KAZN: variants seen among roughly 807,000 people sequenced by gnomAD.
KAZN encodes kazrin.
KAZN carries 40 observed loss-of-function variants against 87.4 expected under a neutral mutation model. The ratio of observed to expected loss-of-function variants is 0.46; its 90% CI spans 0.36 to 0.60. KAZN has a LOEUF of 0.60. KAZN is among the 20% of genes least tolerant of loss of function. KAZN has a pLI of 0.00. For missense variants in KAZN, 898 were observed against 1,073.9 expected (o/e 0.84, Z 2.29); for synonymous variants, 466 against 458.3 (o/e 1.02, Z -0.22).
chr1:14,133,246 A>G (rs60872125), intron 1 of KAZN, among the ~76,000 whole-genome samples: 3,254 of 152,016 alleles, frequency 0.021, 134 homozygotes, highest in African/African-American at 0.075. Flanking sequence ...GAGCACCTGT[A>G]ATCCCAGCTA....
At chr1:14,759,784 T>C (rs537678501) in intron 1 of KAZN, among the ~76,000 whole-genome samples, 30 of 152,282 alleles carry the variant, frequency 2.0e-4, no homozygotes, top group Non-Finnish European at 4.0e-4. Flanking sequence ...AGTTTCCTTA[T>C]CTGAACAATG....
chr1:14,607,422 C>A lies in KAZN; in HGVS notation c.226+8199C>A, dbSNP rs1345616576. Among the ~76,000 whole-genome samples, 97 of 152,232 alleles carry A rather than the reference C, an allele frequency of 6.4e-4. 2 individuals carry two copies. Among genetic ancestry groups the A allele is most frequent in the Admixed American group, 6.3e-3 (97 of 15,288 alleles). On this transcript the variant is annotated intron_variant, in intron 1 of 14. Coordinates refer to ENST00000376030, the MANE Select transcript of KAZN (RefSeq NM_201628.3). ...TTCCAGAGACTGCCTGGCGTCTCCACCAGGATGCTCTGGAGCTTGGCATCC... is the reference window on the plus strand; with the variant it reads ...TTCCAGAGACTGCCTGGCGTCTCCAACAGGATGCTCTGGAGCTTGGCATCC...
intron 2 of KAZN, among the ~76,000 whole-genome samples, chr1:14,216,411 G>C (rs79800340): frequency 6.6e-6 from 1 of 152,166 alleles, no homozygotes; most frequent in African/African-American, 2.4e-5. Flanking sequence ...AAACTGTTGA[G>C]AGCAGGACCC....
chr1:14,067,245 T>C (rs1643046470), intron 1 of KAZN, among the ~76,000 whole-genome samples: 1 of 152,208 alleles, frequency 6.6e-6, no homozygotes, highest in Admixed American at 6.5e-5. Flanking sequence ...GCTCTGAGTC[T>C]ACGTTTGTTG....
intron 1 of KAZN, among the ~76,000 whole-genome samples, chr1:14,912,343 G>A (rs561033165): frequency 6.1e-4 from 93 of 152,174 alleles, no homozygotes; most frequent in African/African-American, 2.2e-3. Flanking sequence ...TTCACTAATT[G>A]TGCCTGGAGC....
At chr1:14,762,462 A>G (rs2100550816) in intron 1 of KAZN, among the ~76,000 whole-genome samples, 1 of 152,278 alleles carries the variant, frequency 6.6e-6, no homozygotes, top group East Asian at 1.9e-4. Context: ...GCGGTGGCTC[A>G]CGCCAGTAAT....
chr1:14,011,472 C>T (rs940770896), intron 1 of KAZN, among the ~76,000 whole-genome samples: 1 of 152,172 alleles, frequency 6.6e-6, no homozygotes, highest in Non-Finnish European at 1.5e-5. Flanking sequence ...CTCTTGAGGT[C>T]ACCTCCTGGA....
At chr1:14,454,701 T>C (rs1334438680) in intron 2 of KAZN, among the ~76,000 whole-genome samples, 1 of 152,208 alleles carries the variant, frequency 6.6e-6, no homozygotes, top group Non-Finnish European at 1.5e-5. Flanking sequence ...GTGGTACTCA[T>C]GAATGTTCAC....
chr1:15,101,660 G>C lies in KAZN; in HGVS notation c.1665G>C (p.Leu555=), dbSNP rs1402974325. ...ACCACCTGGTTGATGGGCGGATGCT[G>C]AATTCCCTGATGAAGCGAGACCTGG... ...FQNHLVDGRM[L]NSLMKRDLEK... Residue 555 remains leucine, a synonymous_variant, in exon 11 of 15, where the codon CTG becomes CTC. Transcript: ENST00000376030. 6.3e-7 allele frequency: 1 copy of C among 1,584,782 alleles called. No homozygotes were observed. The highest frequency in any genetic ancestry group is 8.6e-7 in the Non-Finnish European group (1 of 1,165,104).
chr1:14,318,172 C>T (rs1003716930), intron 2 of KAZN, among the ~76,000 whole-genome samples: 1 of 151,886 alleles, frequency 6.6e-6, no homozygotes, highest in Non-Finnish European at 1.5e-5. Flanking sequence ...CACTTATTTC[C>T]AGTGTTCTTT....
chr1:14,897,151 T>C (rs2101217886), intron 1 of KAZN, among the ~76,000 whole-genome samples: 1 of 152,350 alleles, frequency 6.6e-6, no homozygotes, highest in South Asian at 2.1e-4. Flanking sequence ...GCTGAAGTTC[T>C]GAACATTATA....
rs529231204 is a variant in KAZN at position 14,206,777 on chromosome 1, A to G, written c.249+26185A>G. Reference sequence around the variant, plus strand: ...TCCCATGCCATTAAACATTCTTCAAATTGAGTTGTTGATAGCTGTATAATA... The same window carrying G: ...TCCCATGCCATTAAACATTCTTCAAGTTGAGTTGTTGATAGCTGTATAATA... On this transcript the variant is annotated intron_variant, in intron 2 of 16. Coordinates refer to the KAZN transcript ENST00000636203. Among the ~76,000 whole-genome samples, 17 of 151,630 alleles carry G rather than the reference A, an allele frequency of 1.1e-4. No homozygotes were observed. In the East Asian group the frequency reaches 3.3e-3, roughly 29 times the overall value.
At chr1:14,754,062 G>A (rs908964955) in intron 1 of KAZN, among the ~76,000 whole-genome samples, 3 of 152,152 alleles carry the variant, frequency 2.0e-5, no homozygotes, top group South Asian at 2.1e-4. Context: ...GTGACCAATC[G>A]ACGTAGGCTG....
At chr1:14,146,555 AAAG>A in intron 1 of KAZN, among the ~76,000 whole-genome samples, 1 of 149,920 alleles carries the variant, frequency 6.7e-6, no homozygotes, top group Non-Finnish European at 1.5e-5. Flanking sequence ...AAAAAAAAAA[AAAG>A]AAAAGAAAAG....
At chr1:14,001,779 C>T (rs939589967) in intron 1 of KAZN, among the ~76,000 whole-genome samples, 3 of 152,110 alleles carry the variant, frequency 2.0e-5, no homozygotes, top group Admixed American at 6.5e-5. Flanking sequence ...AAATGGTGCT[C>T]AGAAAACTGG....
At chr1:14,337,409 T>C (rs1401019306) in intron 2 of KAZN, among the ~76,000 whole-genome samples, 1 of 152,236 alleles carries the variant, frequency 6.6e-6, no homozygotes, top group Non-Finnish European at 1.5e-5. Context: ...GTTTAGTCTT[T>C]AGGGAGGAAA....
In KAZN at chr1:14,754,309, A is replaced by G. The variant is rs1277720359; in HGVS notation, c.226+155086A>G. The stretch of plus-strand genomic sequence containing the variant: ...TAATCAGATATAAAACACAGCCTTT[A>G]AACTTTGTGCATTGAATAGGTCTAC... On this transcript the variant is annotated intron_variant, in intron 1 of 14. Transcript: ENST00000376030. Among the ~76,000 whole-genome samples the G allele has an allele frequency of 3.9e-5, 6 of 152,200 alleles. No homozygotes were observed. The East Asian group carries it at 1.2e-3, about 29-fold the overall frequency.
chr1:14,737,005 G>A (rs1005556391), intron 1 of KAZN, among the ~76,000 whole-genome samples: 1 of 152,182 alleles, frequency 6.6e-6, no homozygotes, highest in Non-Finnish European at 1.5e-5. Context: ...GATCAATAAG[G>A]ACGTAAGTGC....
At chr1:15,102,944 AGATC>A (rs1382340317) in intron 11 of KAZN, among the ~76,000 whole-genome samples, 1 of 152,176 alleles carries the variant, frequency 6.6e-6, no homozygotes, top group Admixed American at 6.5e-5. Flanking sequence ...CACGTGTGGG[AGATC>A]ACAGCAGTTA....
Sources: allele counts gnomAD v4.1 joint callset (sites outside exome capture counted in the v4.1 genomes callset), GRCh38; gene constraint gnomAD v4.1.1; transcripts MANE v1.5; gene names NCBI Gene and HGNC (gene_info 2026-07-23, HGNC 2026-07-21).